The following ZNF862 variants were observed in gnomAD, a reference collection of about 807,000 sequenced individuals.
ZNF862 encodes zinc finger protein 862.
A neutral mutation model predicts 91.1 loss-of-function variants in ZNF862; 64 were observed. The observed-to-expected ratio is 0.70, with a 90% confidence interval of 0.57 to 0.87. The LOEUF is 0.87. ZNF862 is among the 40% of genes least tolerant of loss of function. The probability of loss-of-function intolerance (pLI) is 0.00; values close to 1 mark genes in which losing one functional copy is unlikely to be tolerated. For synonymous variants in ZNF862, 631 were observed against 618.1 expected, an observed-to-expected ratio of 1.02 and a Z score of -0.31; for missense variants, 1,459 against 1,528.0, an observed-to-expected ratio of 0.95 and a Z score of 0.75.
chr7:149,843,424 T>G (rs1456726843), intron 1 of ZNF862, among the ~76,000 whole-genome samples: 1 of 152,238 alleles, frequency 6.6e-6, no homozygotes, highest in Non-Finnish European at 1.5e-5. Context: ...TTCTACTTCT[T>G]TTTCTGTTGA....
intron 1 of ZNF862, among the ~76,000 whole-genome samples, chr7:149,842,885 A>T (rs965478851): frequency 7.2e-5 from 11 of 152,140 alleles, no homozygotes; most frequent in Non-Finnish European, 1.5e-4. Flanking sequence ...CTTTGAGTGG[A>T]GCTTGTCTTC....
Position 149,850,527 on chromosome 7 carries a change from C to T in ZNF862, c.1117+189C>T, listed in dbSNP as rs1478240216. ...TGTGCTTTATCACCTTCTCATCCAC[C>T]CACCTGTTCATCCATTCGTCCCCCA... On this transcript the variant is annotated intron_variant, in intron 5 of 7. Coordinates refer to ENST00000223210, the MANE Select transcript of ZNF862 (RefSeq NM_001099220.3). This position sits in a 1 kb window ranked among gnomAD's most constrained non-coding sequence, Gnocchi z 4.2. The T allele has an allele frequency of 3.4e-6, 2 of 587,352 alleles. No homozygotes were observed. Among genetic ancestry groups the T allele is most frequent in the Non-Finnish European group, 5.9e-6 (2 of 339,234 alleles). 36.4% of individuals were successfully genotyped at this position (587,352 alleles called of 1,614,324 possible). A position where few individuals can be genotyped will look rare whatever the true frequency, so the allele number is the denominator to read the frequency against.
Position 149,847,996 on chromosome 7 carries a change from C to G in ZNF862, c.503C>G (p.Pro168Arg), listed in dbSNP as rs1215577351. The G allele has an allele frequency of 6.2e-7, 1 of 1,613,044 alleles. No homozygotes were observed. The highest frequency in any genetic ancestry group is 1.7e-5 in the Admixed American group (1 of 59,864). ...TTCTGCTCTGCTTGCCGAGAATACC[C>G]CTCCATCAGGGACAAACGGTCAAGA... ...ALFCSACREY[P>R]SIRDKRSRLI... The change falls in exon 4 of 8, where the codon CCC becomes CGC. Residue 168 changes from proline to arginine, a missense_variant. Coordinates refer to ENST00000223210, the MANE Select transcript of ZNF862 (RefSeq NM_001099220.3).
intron 5 of ZNF862, among the ~76,000 whole-genome samples, chr7:149,852,990 C>T (rs1355047883): frequency 6.6e-6 from 1 of 152,144 alleles, no homozygotes; most frequent in Non-Finnish European, 1.5e-5. Flanking sequence ...GAGTTCGAGT[C>T]CCCCAGCTTC....
chr7:149,846,154 C>T lies in ZNF862; in HGVS notation c.140C>T (p.Pro47Leu). 1 of 1,611,682 alleles carries T rather than the reference C, an allele frequency of 6.2e-7. No individual in the cohort carries two copies. The highest frequency in any genetic ancestry group is 1.1e-5 in the South Asian group (1 of 90,632). Residue 47 changes from proline (P) to leucine (L), a missense_variant, in exon 3 of 8, where the codon CCA becomes CTA. Physicochemically the swap from Pro to Leu is moderately conservative, Grantham distance 98 (BLOSUM62 -3). Transcript: ENST00000223210. ...GSNKLVAPLG[P>L]TVANPELFRK... ...TCTTTTTTTTTTTTGGACTCAGGAC[C>T]AACTGTTGCCAATCCTGAGCTGTTC... is the stretch of plus-strand genomic sequence containing the variant.
At position 149,864,270 on chromosome 7, in the gene ZNF862, C is replaced by T. The variant is rs1176276384; in HGVS notation, c.3496C>T (p.Pro1166Ser). 6.3e-7 allele frequency: 1 copy of T among 1,599,516 alleles called. No homozygotes were observed. The highest frequency in any genetic ancestry group is 2.3e-5 in the East Asian group (1 of 44,266). ...LLYPHTSQEA[P>S]GMS ...GTATCCCCACACCAGCCAGGAGGCC[C>T]CCGGGATGTCCTGAGGGACAGGGAG... Residue 1166 changes from proline to serine, a missense_variant, in exon 8 of 8, where the codon CCC becomes TCC. Coordinates refer to ENST00000223210, the MANE Select transcript of ZNF862 (RefSeq NM_001099220.3).
At position 149,860,446 on chromosome 7, in the gene ZNF862, T is replaced by TG. The variant is rs1802425588; in HGVS notation, c.1287dup (p.Leu430AlafsTer19). On this transcript the variant is annotated frameshift_variant, in exon 7 of 8. Transcript: ENST00000223210. LOFTEE classifies it high-confidence loss of function. ...CAGGCCTCGGCTGCAGACTCCGCGTTGCTTCCAGGCTCTCCCGTGGAGGCC... is the reference window on the plus strand; with the variant it reads ...CAGGCCTCGGCTGCAGACTCCGCGTTGGCTTCCAGGCTCTCCCGTGGAGGCC... 6.2e-7 allele frequency: 1 copy of TG among 1,613,864 alleles called. No homozygotes were observed. Among genetic ancestry groups the TG allele is most frequent in the Non-Finnish European group, 8.5e-7 (1 of 1,179,886 alleles).
chr7:149,853,324 T>C (rs1802133065), intron 5 of ZNF862, among the ~76,000 whole-genome samples: 1 of 152,244 alleles, frequency 6.6e-6, no homozygotes. Flanking sequence ...ACCATTGTTA[T>C]GGACTGTTAT....
At chr7:149,842,564 T>C (rs1392934516) in intron 1 of ZNF862, among the ~76,000 whole-genome samples, 1 of 152,214 alleles carries the variant, frequency 6.6e-6, no homozygotes, top group East Asian at 1.9e-4. Flanking sequence ...ATCACTCTTG[T>C]TAGGAAGACA....
chr7:149,839,017 T>C (rs946016854), intron 1 of ZNF862, among the ~76,000 whole-genome samples: 1 of 152,206 alleles, frequency 6.6e-6, no homozygotes, highest in African/African-American at 2.4e-5. Context: ...GGTGGGACGC[T>C]TGAGGGCTTG....
chr7:149,850,458 C>A lies in ZNF862; in HGVS notation c.1117+120C>A, dbSNP rs1802032818. On this transcript the variant is annotated intron_variant, in intron 5 of 7. Coordinates refer to ENST00000223210, the MANE Select transcript of ZNF862 (RefSeq NM_001099220.3). The surrounding 1 kb of genome is among the most constrained non-coding windows in gnomAD (Gnocchi z 4.2). ...CCCCTCCCTGTGTGTAGGCAGAGACCGATCCTGTCTTTTGCACCTCATAAC... is the reference window on the plus strand; with the variant it reads ...CCCCTCCCTGTGTGTAGGCAGAGACAGATCCTGTCTTTTGCACCTCATAAC... The A allele has an allele frequency of 9.3e-7, 1 of 1,076,576 alleles. No homozygotes were observed. The highest frequency in any genetic ancestry group is 1.3e-6 in the Non-Finnish European group (1 of 764,884). The allele number at this position is 1,076,576 out of a possible 1,614,324, so 66.7% of individuals were successfully genotyped here. A position where few individuals can be genotyped will look rare whatever the true frequency, so the allele number is the denominator to read the frequency against.
chr7:149,860,419 C>T lies in ZNF862; in HGVS notation c.1259C>T (p.Thr420Ile), dbSNP rs750865230. 3 of 1,613,026 alleles carry T rather than the reference C, an allele frequency of 1.9e-6. No individual in the cohort carries two copies. The highest frequency in any genetic ancestry group is 2.5e-6 in the Non-Finnish European group (3 of 1,179,492). ...ATGGTGGCAGTGAGAGAGGCAGACA[C>T]ACAGGCCTCGGCTGCAGACTCCGCG... is the stretch of plus-strand genomic sequence containing the variant. The part of the protein sequence containing the change: ...KKMVAVREAD[T>I]QASAADSALL... Residue 420 changes from threonine to isoleucine, a missense_variant, in exon 7 of 8, where the codon ACA becomes ATA. Transcript: ENST00000223210.
chr7:149,839,407 C>A (rs1191229987), intron 1 of ZNF862, among the ~76,000 whole-genome samples: 1 of 152,118 alleles, frequency 6.6e-6, no homozygotes, highest in Admixed American at 6.5e-5. Context: ...TCTCAACAAA[C>A]GTTTTCGACT....
chr7:149,844,553 TG>T, intron 1 of ZNF862, 71 bp from the exon 2 acceptor site: 1 of 1,115,378 alleles, frequency 9.0e-7, no homozygotes, highest in Non-Finnish European at 1.3e-6. Context: ...TGCCCTCAGG[TG>T]GTCAGGAACA....
chr7:149,860,079 G>A (rs543338314), intron 6 of ZNF862: 1 of 410,520 alleles, frequency 2.4e-6, no homozygotes, highest in South Asian at 4.3e-5. Context: ...TGGCCAAGGG[G>A]GTTAATTGAA....
Position 149,864,213 on chromosome 7 carries a change from G to T in ZNF862, c.3439G>T (p.Asp1147Tyr), listed in dbSNP as rs757534202. The T allele has an allele frequency of 6.2e-6, 10 of 1,600,006 alleles. No individual in the cohort carries two copies. The highest frequency in any genetic ancestry group is 8.5e-6 in the Non-Finnish European group (10 of 1,173,816). ...PSREAAEVLK[D>Y]CIMEPPERLL... ...CAGGGAAGCAGCGGAGGTTCTGAAG[G>T]ACTGCATCATGGAGCCTCCCGAGAG... Residue 1147 changes from aspartate to tyrosine, a missense_variant, in exon 8 of 8, where the codon GAC (aspartate) becomes TAC (tyrosine). Physicochemically the swap from Asp to Tyr is radical, Grantham distance 160. Transcript: ENST00000223210.
rs2074699 is a variant in ZNF862 at position 149,850,614 on chromosome 7, T to C, written c.1117+276T>C. On this transcript the variant is annotated intron_variant, in intron 5 of 7. Transcript: ENST00000223210. This position sits in a 1 kb window ranked among gnomAD's most constrained non-coding sequence, Gnocchi z 4.2. ...ACACAGCTGATCCATGGTCTCTGCTTTCAAGGGCCTAGCACGTTTGTGGGA... is the reference window on the plus strand; with the variant it reads ...ACACAGCTGATCCATGGTCTCTGCTCTCAAGGGCCTAGCACGTTTGTGGGA... 0.4 allele frequency: 140,144 copies of C among 353,070 alleles called. 28,933 individuals are homozygous for C. The highest frequency in any genetic ancestry group is 0.49 in the East Asian group (9,847 of 20,108). The allele number at this position is 353,070 out of a possible 1,614,324, so 21.9% of individuals were successfully genotyped here.
Position 149,864,285 on chromosome 7 carries a change from G to T in ZNF862, c.*1G>T. On this transcript the variant is annotated 3_prime_UTR_variant, in exon 8 of 8. Coordinates refer to ENST00000223210, the MANE Select transcript of ZNF862 (RefSeq NM_001099220.3). ...CCAGGAGGCCCCCGGGATGTCCTGA[G>T]GGACAGGGAGTCCTTGGGACTGCCT... The T allele has an allele frequency of 6.3e-7, 1 of 1,594,910 alleles. No individual in the cohort carries two copies.
In ZNF862 at chr7:149,850,028, T is replaced by C; in HGVS notation, c.940-133T>C. The C allele has an allele frequency of 1.1e-6, 1 of 887,676 alleles. No individual in the cohort carries two copies. The highest frequency in any genetic ancestry group is 1.7e-5 in the South Asian group (1 of 58,932). The allele number at this position is 887,676 out of a possible 1,614,324, so 55.0% of individuals were successfully genotyped here. Reference sequence around the variant, plus strand: ...GATTCTTTGACTTTCAGTGGATAAATTAATTCCTCTGAGTGCATCTGGGCC... The same window carrying C: ...GATTCTTTGACTTTCAGTGGATAAACTAATTCCTCTGAGTGCATCTGGGCC... On this transcript the variant is annotated intron_variant, in intron 4 of 7. Transcript: ENST00000223210. The surrounding 1 kb of genome is among the most constrained non-coding windows in gnomAD (Gnocchi z 4.2).
Sources: allele counts gnomAD v4.1 joint callset (sites outside exome capture counted in the v4.1 genomes callset), GRCh38; gene constraint gnomAD v4.1.1; non-coding constraint Gnocchi (gnomAD v3.1); transcripts MANE v1.5; gene names NCBI Gene and HGNC (gene_info 2026-07-23, HGNC 2026-07-21).